ADAM20: variants seen among roughly 807,000 people sequenced by gnomAD.
ADAM20 encodes the protein disintegrin and metalloproteinase domain-containing protein 20.
For missense variants in ADAM20, 871 were observed against 883.2 expected (o/e 0.99, Z 0.18); for synonymous variants, 305 against 310.2 (o/e 0.98, Z 0.18).
chr14:70,559,844 A>G, the ADAM20 span, among the ~76,000 whole-genome samples: 3 of 152,186 alleles, frequency 2.0e-5, no homozygotes, highest in African/African-American at 7.2e-5. Context: ...GAAAGGAAAG[A>G]AGCAAGCAAG....
At chr14:70,560,420 C>G in the ADAM20 span, among the ~76,000 whole-genome samples, 14 of 152,202 alleles carry the variant, frequency 9.2e-5, no homozygotes, top group African/African-American at 3.4e-4. Context: ...AACCACTTAG[C>G]AAATGTAATG....
upstream of ADAM20, among the ~76,000 whole-genome samples, chr14:70,537,213 TGAG>T (rs1278907608): frequency 1.3e-5 from 2 of 152,138 alleles, no homozygotes; most frequent in Non-Finnish European, 2.9e-5. Flanking sequence ...GCAATTTGCA[TGAG>T]GAGGACAACT....
the ADAM20 span, among the ~76,000 whole-genome samples, chr14:70,547,092 T>A: frequency 3.3e-5 from 5 of 152,014 alleles, no homozygotes; most frequent in African/African-American, 9.7e-5. Flanking sequence ...AATTGGAAAA[T>A]CTAGAAGAAA....
chr14:70,568,309 A>C, the ADAM20 span, among the ~76,000 whole-genome samples: 6 of 152,194 alleles, frequency 3.9e-5, no homozygotes, highest in East Asian at 3.9e-4. Context: ...AGTACCAATA[A>C]ATGAAACAAA....
chr14:70,568,481 G>A, the ADAM20 span, among the ~76,000 whole-genome samples: 514 of 152,348 alleles, frequency 3.4e-3, 1 homozygote, highest in Middle Eastern at 6.8e-3. Context: ...AAGCCAGGAT[G>A]TCCTGACACC....
At chr14:70,573,806 T>C in the ADAM20 span, among the ~76,000 whole-genome samples, 1 of 152,146 alleles carries the variant, frequency 6.6e-6, no homozygotes, top group Non-Finnish European at 1.5e-5. Flanking sequence ...CATTGTATAA[T>C]GATAAAAAGG....
At chr14:70,559,517 A>C in the ADAM20 span, among the ~76,000 whole-genome samples, 5 of 152,264 alleles carry the variant, frequency 3.3e-5, 1 homozygote, top group East Asian at 9.6e-4. Context: ...TATATCAGGG[A>C]AGTTCTGTTT....
chr14:70,523,338 G>A lies in ADAM20; in HGVS notation c.1420C>T (p.Leu474Phe). Residue 474 changes from leucine to phenylalanine, a missense_variant, in exon 2 of 2, where the codon CTT (leucine) becomes TTT (phenylalanine). Transcript: ENST00000256389. ...LCRQQVGECD[L>F]PEWCNGTSHQ... ...GATGTCCCATTGCACCACTCTGGAAGGTCACATTCACCAACTTGTTGTCTA... is the reference window on the plus strand; with the variant it reads ...GATGTCCCATTGCACCACTCTGGAAAGTCACATTCACCAACTTGTTGTCTA... 6.2e-7 allele frequency: 1 copy of A among 1,614,046 alleles called. No individual in the cohort carries two copies. The highest frequency in any genetic ancestry group is 8.5e-7 in the Non-Finnish European group (1 of 1,179,972).
the ADAM20 span, among the ~76,000 whole-genome samples, chr14:70,540,798 AT>A: frequency 6.6e-6 from 1 of 151,644 alleles, no homozygotes. Flanking sequence ...ATAAAAAATA[AT>A]TTTTTTTTCT....
At chr14:70,566,322 T>TAG in the ADAM20 span, among the ~76,000 whole-genome samples, 2 of 152,088 alleles carry the variant, frequency 1.3e-5, no homozygotes, top group Non-Finnish European at 2.9e-5. Context: ...AATAAATGGG[T>TAG]AGTTTTGTAT....
At chr14:70,578,477 AC>A in the ADAM20 span, among the ~76,000 whole-genome samples, 133 of 152,262 alleles carry the variant, frequency 8.7e-4, no homozygotes, top group African/African-American at 3.1e-3. Flanking sequence ...TGCAACAAAA[AC>A]AAAAAATAGA....
chr14:70,553,452 C>A, the ADAM20 span, among the ~76,000 whole-genome samples: 1 of 140,854 alleles, frequency 7.1e-6, no homozygotes, highest in Non-Finnish European at 1.5e-5. Context: ...TACCCAGATA[C>A]CAAAACCAAA....
At chr14:70,570,274 AAG>A in the ADAM20 span, among the ~76,000 whole-genome samples, 4 of 152,304 alleles carry the variant, frequency 2.6e-5, no homozygotes, top group South Asian at 8.3e-4. Flanking sequence ...AAAAAAAAGA[AAG>A]AAATATTAGA....
upstream of ADAM20, among the ~76,000 whole-genome samples, chr14:70,535,964 A>C (rs10130071): frequency 0.32 from 48,964 of 152,062 alleles, 9,540 homozygotes; most frequent in East Asian, 0.57. Flanking sequence ...GTTGGTATAA[A>C]ACGCTTCATT....
chr14:70,559,590 C>CA, the ADAM20 span, among the ~76,000 whole-genome samples: 1 of 152,206 alleles, frequency 6.6e-6, no homozygotes, highest in African/African-American at 2.4e-5. Context: ...CCATCTTATT[C>CA]ATAGTAAAAG....
the ADAM20 span, among the ~76,000 whole-genome samples, chr14:70,544,987 T>G: frequency 6.6e-6 from 1 of 152,142 alleles, no homozygotes; most frequent in Non-Finnish European, 1.5e-5. Context: ...TAAGTATTAG[T>G]TCCTATACAT....
At chr14:70,538,932 G>A (rs1883891219), upstream of ADAM20, among the ~76,000 whole-genome samples, 1 of 152,138 alleles carries the variant, frequency 6.6e-6, no homozygotes, top group Admixed American at 6.5e-5. Context: ...CAAGTAGCTG[G>A]GACTATAGGT....
rs748147482 is a variant in ADAM20, at chr14:70,523,299, C to T, written c.1459G>A (p.Asp487Asn). ...WCNGTSHQCP[D>N]DVYVQDGISC... ...ATCCCGTCCTGCACATACACATCAT[C>T]TGGGCATTGATGGGATGTCCCATTG... The change falls in exon 2 of 2, where the codon GAT becomes AAT. Residue 487 changes from aspartate (D) to asparagine (N), a missense_variant. By Grantham distance (23) the Asp-to-Asn change is conservative. Transcript: ENST00000256389. 6.2e-7 allele frequency: 1 copy of T among 1,614,046 alleles called. No homozygotes were observed. The highest frequency in any genetic ancestry group is 8.5e-7 in the Non-Finnish European group (1 of 1,179,942).
the ADAM20 span, among the ~76,000 whole-genome samples, chr14:70,568,186 A>G: frequency 1.3e-5 from 2 of 152,198 alleles, no homozygotes; most frequent in Non-Finnish European, 2.9e-5. Flanking sequence ...CACAGGAAAT[A>G]GTGTGTCCGC....
Sources: allele counts gnomAD v4.1 joint callset (sites outside exome capture counted in the v4.1 genomes callset), GRCh38; gene constraint gnomAD v4.1.1; transcripts MANE v1.5; gene names NCBI Gene and HGNC (gene_info 2026-07-23, HGNC 2026-07-21).